ABL1: variants seen among roughly 807,000 people sequenced by gnomAD.
ABL1 encodes tyrosine-protein kinase ABL1.
ABL1 carries 11 observed loss-of-function variants against 94.7 expected under a neutral mutation model. That is an observed-to-expected ratio of 0.12 (90% CI 0.07 to 0.19). The LOEUF (loss-of-function observed/expected upper bound fraction) is 0.19. Ranked by LOEUF, ABL1 falls within the 10% of genes least tolerant of loss-of-function variation. The probability of loss-of-function intolerance (pLI) is 1.00; values close to 1 mark genes in which losing one functional copy is unlikely to be tolerated. For missense variants in ABL1, 1,082 were observed against 1,489.4 expected (o/e 0.73, Z 4.50); for synonymous variants, 656 against 622.4 (o/e 1.05, Z -0.80).
chr9:130,714,697 T>C (rs1385882107), intron 1 of ABL1, among the ~76,000 whole-genome samples: 1 of 152,224 alleles, frequency 6.6e-6, no homozygotes, highest in East Asian at 1.9e-4. Flanking sequence ...TAATTCACTG[T>C]TGACCTTGGA....
chr9:130,851,880 C>T lies in ABL1; in HGVS notation c.80-2184C>T, dbSNP rs1006761763. ...TCCCGGGTTCAGGCAATTCTCCGGC[C>T]TCAGTCTCCTGAGTAGCTGGGATTA... On this transcript the variant is annotated intron_variant, in intron 1 of 10. Coordinates refer to ENST00000318560, the MANE Select transcript of ABL1 (RefSeq NM_005157.6). Among the ~76,000 whole-genome samples the T allele has an allele frequency of 2.7e-5, 4 of 150,442 alleles. No homozygotes were observed. In the East Asian group the frequency reaches 7.8e-4, roughly 29 times the overall value.
Position 130,880,481 on chromosome 9 carries a change from G to A in ABL1, c.1514-19G>A, listed in dbSNP as rs1377216610. The A allele has an allele frequency of 6.2e-7, 1 of 1,612,712 alleles. No homozygotes were observed. Among genetic ancestry groups the A allele is most frequent in the African/African-American group, 1.3e-5 (1 of 74,782 alleles). The stretch of plus-strand genomic sequence containing the variant: ...TGATGGCTGCTGGATTTTTGTTTCT[G>A]TCCCTGTATGATTCTTAGAAGTGGA... On this transcript the variant is annotated intron_variant, in intron 9 of 10. Transcript: ENST00000318560. The surrounding 1 kb of genome is among the most constrained non-coding windows in gnomAD (Gnocchi z 4.4).
chr9:130,719,900 C>T (rs549920006), intron 1 of ABL1, among the ~76,000 whole-genome samples: 24 of 152,294 alleles, frequency 1.6e-4, no homozygotes, highest in African/African-American at 5.8e-4. Context: ...CAGAATCATT[C>T]AGGGTCAAAG....
Position 130,762,222 on chromosome 9 carries a change from A to G in ABL1, c.136+47767A>G, listed in dbSNP as rs1299118230. 7.2e-5 allele frequency among the ~76,000 whole-genome samples: 11 copies of G among 151,938 alleles called. No individual in the cohort carries two copies. The South Asian group carries it at 1.9e-3, about 26-fold the overall frequency. ...GTTACCTAGAACCCCACCCCCAGAG[A>G]TAACCACCTTGTGGTAACATTTATT... is the stretch of plus-strand genomic sequence containing the variant. On this transcript the variant is annotated intron_variant, in intron 1 of 10. Transcript: ENST00000372348.
chr9:130,835,564 C>A lies in ABL1; in HGVS notation c.79+39C>A. 1.3e-6 allele frequency: 2 copies of A among 1,517,862 alleles called. No individual in the cohort carries two copies. Among genetic ancestry groups the A allele is most frequent in the African/African-American group, 1.4e-5 (1 of 72,484 alleles). 94.0% of individuals were successfully genotyped at this position (1,517,862 alleles called of 1,614,324 possible). A position where few individuals can be genotyped will look rare whatever the true frequency, so the allele number is the denominator to read the frequency against. On this transcript the variant is annotated intron_variant, in intron 1 of 10. Transcript: ENST00000318560. This position sits in a 1 kb window ranked among gnomAD's most constrained non-coding sequence, Gnocchi z 4.6. ...GCACGGGTTGGGCTGAGTAGCCGCG[C>A]GCCCTCCCGCTGCTGCTGGGCCCTT...
chr9:130,801,449 A>T (rs541158376), intron 1 of ABL1, among the ~76,000 whole-genome samples: 2 of 152,036 alleles, frequency 1.3e-5, no homozygotes, highest in African/African-American at 4.8e-5. Flanking sequence ...GATGGTCTCG[A>T]TCTCTTGACC....
chr9:130,739,978 T>C (rs1027798862), intron 1 of ABL1, among the ~76,000 whole-genome samples: 2 of 152,236 alleles, frequency 1.3e-5, no homozygotes, highest in African/African-American at 4.8e-5. Context: ...TATGATCCTT[T>C]AATTGAATCA....
At chr9:130,738,252 C>G (rs536588570) in intron 1 of ABL1, among the ~76,000 whole-genome samples, 68 of 151,468 alleles carry the variant, frequency 4.5e-4, no homozygotes, top group African/African-American at 1.5e-3. Context: ...AAATGTCATG[C>G]TAGTGTTTGT....
At chr9:130,816,698 G>T (rs898953849) in intron 1 of ABL1, among the ~76,000 whole-genome samples, 2 of 151,998 alleles carry the variant, frequency 1.3e-5, no homozygotes, top group African/African-American at 4.8e-5. Flanking sequence ...GGGGTAGCTG[G>T]TCCCAAGTAA....
intron 1 of ABL1, among the ~76,000 whole-genome samples, chr9:130,771,275 G>C (rs959576659): frequency 1.4e-5 from 2 of 147,962 alleles, no homozygotes; most frequent in African/African-American, 5.3e-5. Context: ...TGTAGAGATG[G>C]GGCCTCACTA....
chr9:130,783,546 G>T lies in ABL1; in HGVS notation c.136+69091G>T, dbSNP rs994269194. Among the ~76,000 whole-genome samples, 5 of 152,232 alleles carry T rather than the reference G, an allele frequency of 3.3e-5. No homozygotes were observed. In the East Asian group the frequency reaches 5.8e-4, roughly 18 times the overall value. On this transcript the variant is annotated intron_variant, in intron 1 of 10. Transcript: ENST00000372348. ...TTGGAATTAGAAAGTGTCTAGGTAG[G>T]AATGTAAGGTCTCCCCTCAAATTGA...
At chr9:130,864,327 C>T (rs1831122175) in intron 4 of ABL1, among the ~76,000 whole-genome samples, 1 of 152,140 alleles carries the variant, frequency 6.6e-6, no homozygotes, top group South Asian at 2.1e-4. Context: ...CTCACTGCAA[C>T]CTCCGCCTCC....
At chr9:130,757,078 C>A (rs1210944260) in intron 1 of ABL1, among the ~76,000 whole-genome samples, 1 of 152,100 alleles carries the variant, frequency 6.6e-6, no homozygotes, top group Non-Finnish European at 1.5e-5. Context: ...GTTTGGGACC[C>A]TTTTAGAAGT....
intron 4 of ABL1, among the ~76,000 whole-genome samples, chr9:130,868,520 C>CTTTTTTTTTTTTT (rs71389371): frequency 8.5e-4 from 95 of 111,936 alleles, no homozygotes; most frequent in Non-Finnish European, 1.4e-3. Flanking sequence ...TTTTCTTTTT[C>CTTTTTTTTTTTTT]TTTTTTTTTT....
chr9:130,770,248 A>G (rs1369514232), intron 1 of ABL1, among the ~76,000 whole-genome samples: 1 of 152,098 alleles, frequency 6.6e-6, no homozygotes, highest in African/African-American at 2.4e-5. Flanking sequence ...GGCTCATGCC[A>G]GTAATCCCAA....
At chr9:130,800,596 T>G (rs551077342) in intron 1 of ABL1, among the ~76,000 whole-genome samples, 4 of 152,350 alleles carry the variant, frequency 2.6e-5, no homozygotes, top group African/African-American at 7.2e-5. Flanking sequence ...GTCTGTAGTT[T>G]TGTCTTTTCA....
chr9:130,722,267 C>A (rs1831526248), intron 1 of ABL1, among the ~76,000 whole-genome samples: 1 of 152,100 alleles, frequency 6.6e-6, no homozygotes, highest in African/African-American at 2.4e-5. Context: ...GTGGCATATG[C>A]CTGTAATCCC....
At chr9:130,803,285 G>A (rs1423984497) in intron 1 of ABL1, among the ~76,000 whole-genome samples, 3 of 152,126 alleles carry the variant, frequency 2.0e-5, no homozygotes, top group Admixed American at 6.5e-5. Context: ...TGCTCTACCC[G>A]CCTCAGCCTC....
At chr9:130,853,874 AC>A (rs1313487525) in intron 1 of ABL1, among the ~76,000 whole-genome samples, 189 bp from the exon 2 acceptor site, 2 of 152,250 alleles carry the variant, frequency 1.3e-5, no homozygotes, top group Admixed American at 1.3e-4. Context: ...CTTAATTTCC[AC>A]AAGATTTAGT....
Sources: allele counts gnomAD v4.1 joint callset (sites outside exome capture counted in the v4.1 genomes callset), GRCh38; gene constraint gnomAD v4.1.1; non-coding constraint Gnocchi (gnomAD v3.1); transcripts MANE v1.5; gene names NCBI Gene and HGNC (gene_info 2026-07-23, HGNC 2026-07-21).